The following UNC80 variants were observed in gnomAD, a reference collection of about 807,000 sequenced individuals.
The protein encoded by UNC80 is unc-80 subunit of NALCN channel complex, also known as protein unc-80 homolog.
In UNC80, 164 loss-of-function variants were observed where a neutral mutation model predicts 384.6. The observed-to-expected ratio is 0.43, with a 90% CI of 0.38 to 0.49. The LOEUF (loss-of-function observed/expected upper bound fraction) is 0.49. Ranked by LOEUF, UNC80 falls within the 20% of genes least tolerant of loss-of-function variation. UNC80 has a pLI of 0.00. For missense variants in UNC80, 3,330 were observed against 4,143.0 expected (o/e 0.80, Z 5.39); for synonymous variants, 1,486 against 1,527.8 (o/e 0.97, Z 0.64).
At chr2:209,963,281 C>G (rs1045906936) in intron 51 of UNC80, among the ~76,000 whole-genome samples, 1 of 152,198 alleles carries the variant, frequency 6.6e-6, no homozygotes, top group Non-Finnish European at 1.5e-5. Context: ...CTCTCTTTCT[C>G]TTTTCCTCTC....
At chr2:209,808,373 G>A (rs937312190) in intron 7 of UNC80, among the ~76,000 whole-genome samples, 6 of 152,048 alleles carry the variant, frequency 3.9e-5, no homozygotes, top group Non-Finnish European at 8.8e-5. Flanking sequence ...GACCAGCCTG[G>A]CCAACATGGA....
chr2:209,888,854 ATAT>A (rs767847267), intron 26 of UNC80, among the ~76,000 whole-genome samples: 1 of 152,166 alleles, frequency 6.6e-6, no homozygotes, highest in Non-Finnish European at 1.5e-5. Flanking sequence ...AGAAAAAATA[ATAT>A]TATGTTTCTC....
In UNC80 at chr2:209,896,300, T is replaced by A. The variant is rs2124918451; in HGVS notation, c.4481-13T>A. 6.4e-7 allele frequency: 1 copy of A among 1,550,694 alleles called. No homozygotes were observed. Among genetic ancestry groups the A allele is most frequent in the Non-Finnish European group, 8.7e-7 (1 of 1,146,060 alleles). On this transcript the variant is annotated splice_polypyrimidine_tract_variant and intron_variant, in intron 27 of 64. Coordinates refer to ENST00000673920, the MANE Select transcript of UNC80 (RefSeq NM_001371986.1). ...CGAACACTGAAACCTTTCTTGGTAT[T>A]TTTCTTTTGAAGAAGGGAGTCCTTG...
At chr2:209,905,380 G>A (rs749375132) in intron 29 of UNC80, among the ~76,000 whole-genome samples, 21 of 152,236 alleles carry the variant, frequency 1.4e-4, no homozygotes, top group Non-Finnish European at 2.4e-4. Flanking sequence ...GTCATCATAA[G>A]GGTCCTTATA....
At position 209,913,652 on chromosome 2, in the gene UNC80, C is replaced by T. The variant is rs1574993399; in HGVS notation, c.4891-150C>T. The T allele has an allele frequency of 1.1e-4, 76 of 679,132 alleles. No individual in the cohort carries two copies. The East Asian group carries it at 2.1e-3, about 19-fold the overall frequency. 42.1% of individuals were successfully genotyped at this position (679,132 alleles called of 1,614,324 possible). ...AGGTATAAAGCTTATCTATCATATG[C>T]CATGTCAACTAAATATGCTCCCATT... On this transcript the variant is annotated intron_variant, in intron 30 of 64. Coordinates refer to ENST00000673920, the MANE Select transcript of UNC80 (RefSeq NM_001371986.1).
Position 209,922,391 on chromosome 2 carries a change from C to T in UNC80, c.5662+8C>T. On this transcript the variant is annotated splice_region_variant and intron_variant, in intron 35 of 64. Transcript: ENST00000673920. ...CAGCCGTCAGTGCTGAAGGTGTGTCCTCTTGCATACGTTTTATTTCTCCTG... is the reference window on the plus strand; with the variant it reads ...CAGCCGTCAGTGCTGAAGGTGTGTCTTCTTGCATACGTTTTATTTCTCCTG... 6.4e-7 allele frequency: 1 copy of T among 1,550,594 alleles called. No individual in the cohort carries two copies. The highest frequency in any genetic ancestry group is 2.4e-5 in the East Asian group (1 of 40,894).
chr2:209,918,643 C>A lies in UNC80; in HGVS notation c.5323C>A (p.Pro1775Thr). ...TCAGTGCAGCGGGAGTGTCCAGGAC[C>A]CCATTAATGAAGACCAGTCTGTGAG... ...VPQCSGSVQDPINEDQSKSFS... is the reference protein window; with the variant it reads ...VPQCSGSVQDTINEDQSKSFS... The change falls in exon 33 of 65, where the codon CCC (proline) becomes ACC (threonine). Residue 1775 changes from proline (P) to threonine (T), a missense_variant. Coordinates refer to ENST00000673920, the MANE Select transcript of UNC80 (RefSeq NM_001371986.1). 6.5e-7 allele frequency: 1 copy of A among 1,548,936 alleles called. No individual in the cohort carries two copies. Among genetic ancestry groups the A allele is most frequent in the Admixed American group, 2.0e-5 (1 of 50,964 alleles).
intron 42 of UNC80, among the ~76,000 whole-genome samples, chr2:209,938,470 T>A (rs2091394195): frequency 6.6e-6 from 1 of 152,102 alleles, no homozygotes; most frequent in Non-Finnish European, 1.5e-5. Context: ...CTTAAGTAAT[T>A]AAAAATATAG....
chr2:209,852,612 C>G lies in UNC80; in HGVS notation c.3627+2989C>G, dbSNP rs186527613. Among the ~76,000 whole-genome samples, 13 of 152,152 alleles carry G rather than the reference C, an allele frequency of 8.5e-5. No individual in the cohort carries two copies. The East Asian group carries it at 2.5e-3, about 29-fold the overall frequency. On this transcript the variant is annotated intron_variant, in intron 22 of 64. Coordinates refer to ENST00000673920, the MANE Select transcript of UNC80 (RefSeq NM_001371986.1). Reference sequence around the variant, plus strand: ...AAAGGGGCTGGTGAATTCTGACAGACTGAGAGGAAGGTAATGCAGCTATAT... The same window carrying G: ...AAAGGGGCTGGTGAATTCTGACAGAGTGAGAGGAAGGTAATGCAGCTATAT...
chr2:209,828,597 AT>A (rs2080723751), intron 14 of UNC80, among the ~76,000 whole-genome samples: 1 of 152,178 alleles, frequency 6.6e-6, no homozygotes, highest in African/African-American at 2.4e-5. Flanking sequence ...CTGGGCCACA[AT>A]TAAGGACACT....
chr2:209,807,914 T>C (rs10932310), intron 7 of UNC80, among the ~76,000 whole-genome samples: 80,237 of 152,072 alleles, frequency 0.53, 22,159 homozygotes, highest in Admixed American at 0.61. Context: ...TATTTGCTAC[T>C]GAACGTCTTG....
intron 45 of UNC80, among the ~76,000 whole-genome samples, chr2:209,944,710 G>A (rs1455254014): frequency 6.6e-6 from 1 of 152,106 alleles, no homozygotes; most frequent in African/African-American, 2.4e-5. Context: ...CATATTTGTA[G>A]TATTCAACCA....
At chr2:209,825,463 A>C (rs556624296) in intron 13 of UNC80, among the ~76,000 whole-genome samples, 2 of 152,334 alleles carry the variant, frequency 1.3e-5, no homozygotes, top group South Asian at 4.1e-4. Context: ...AGAAGTTGCC[A>C]TGAAATTTCG....
intron 22 of UNC80, among the ~76,000 whole-genome samples, chr2:209,868,460 A>T (rs1362086738): frequency 6.6e-6 from 1 of 152,232 alleles, no homozygotes; most frequent in Non-Finnish European, 1.5e-5. Flanking sequence ...CATTGCAATT[A>T]TAAGCTTCAA....
Position 209,976,098 on chromosome 2 carries a change from T to G in UNC80, c.8588-21T>G. On this transcript the variant is annotated intron_variant, in intron 56 of 64. Transcript: ENST00000673920. The surrounding 1 kb of genome is among the most constrained non-coding windows in gnomAD (Gnocchi z 4.3). Reference sequence around the variant, plus strand: ...GAAGCACACGTCCGCAGGCTCATTTTTCTCTTTTCCCGGTGTGAAGCGCTG... The same window carrying G: ...GAAGCACACGTCCGCAGGCTCATTTGTCTCTTTTCCCGGTGTGAAGCGCTG... The G allele has an allele frequency of 6.5e-7, 1 of 1,539,846 alleles. No individual in the cohort carries two copies. The highest frequency in any genetic ancestry group is 2.1e-5 in the Admixed American group (1 of 47,856).
At chr2:209,808,767 T>TTCTGCGCTAGTCAGCGACCTCGTTGCC in intron 7 of UNC80, 1 of 59,212 alleles carries the variant, frequency 1.7e-5, no homozygotes, top group Non-Finnish European at 2.9e-5. Context: ...CCTGCGCTAC[T>TTCTGCGCTAGTCAGCGACCTCGTTGCC]TCTGCGCTAC....
At chr2:209,886,777 C>T (rs1422879105) in intron 25 of UNC80, among the ~76,000 whole-genome samples, 1 of 152,206 alleles carries the variant, frequency 6.6e-6, no homozygotes, top group African/African-American at 2.4e-5. Context: ...TTAACTCAAA[C>T]ATCAACTCTT....
intron 16 of UNC80, 101 bp downstream of exon 16, chr2:209,831,692 T>C: frequency 7.7e-7 from 1 of 1,300,250 alleles, no homozygotes; most frequent in Non-Finnish European, 1.0e-6. Context: ...AATCTAAAAG[T>C]CTACACTTTA....
At chr2:209,875,545 C>A (rs1359672252) in intron 23 of UNC80, among the ~76,000 whole-genome samples, 1 of 152,170 alleles carries the variant, frequency 6.6e-6, no homozygotes, top group South Asian at 2.1e-4. Flanking sequence ...TTACTTCTCC[C>A]ACTCAGAAAC....
Sources: allele counts gnomAD v4.1 joint callset (sites outside exome capture counted in the v4.1 genomes callset), GRCh38; gene constraint gnomAD v4.1.1; non-coding constraint Gnocchi (gnomAD v3.1); transcripts MANE v1.5; gene names NCBI Gene and HGNC (gene_info 2026-07-23, HGNC 2026-07-21).